The following SMYD3 variants were observed in gnomAD, a reference collection of about 807,000 sequenced individuals.
SMYD3 encodes histone-lysine N-methyltransferase SMYD3.
In SMYD3, 36 loss-of-function variants were observed where a neutral mutation model predicts 57.7. The ratio of observed to expected loss-of-function variants is 0.62; its 90% CI spans 0.48 to 0.82. The LOEUF is 0.82. Ranked by LOEUF, SMYD3 falls within the 40% of genes least tolerant of loss-of-function variation. The pLI is 0.00. For missense variants in SMYD3, 515 were observed against 538.8 expected (o/e 0.96, Z 0.44); for synonymous variants, 211 against 195.0 (o/e 1.08, Z -0.68).
chr1:245,817,002 G>A (rs2048854091), intron 10 of SMYD3, among the ~76,000 whole-genome samples: 2 of 151,736 alleles, frequency 1.3e-5, no homozygotes, highest in Admixed American at 6.6e-5. Flanking sequence ...GCTTGCTTAG[G>A]TAAACAAAGC....
At chr1:246,167,635 C>T (rs1297807473) in intron 5 of SMYD3, among the ~76,000 whole-genome samples, 9 of 151,798 alleles carry the variant, frequency 5.9e-5, no homozygotes, top group African/African-American at 1.2e-4. Flanking sequence ...CTCGACCTCC[C>T]GAGTAGCTGG....
At chr1:246,309,348 C>G (rs2065036796) in intron 5 of SMYD3, among the ~76,000 whole-genome samples, 1 of 152,092 alleles carries the variant, frequency 6.6e-6, no homozygotes, top group Non-Finnish European at 1.5e-5. Flanking sequence ...CTTGGATTAT[C>G]ATACTCCTCC....
In SMYD3 at chr1:245,789,825, A is replaced by G. The variant is rs532682073; in HGVS notation, c.1077-25676T>C. On this transcript the variant is annotated intron_variant, in intron 10 of 11. Transcript: ENST00000490107. ...TTCTAGCTGGCAATTATAGCTCCTT[A>G]CATACTATTGATTAAAGAAAAATTC... is the stretch of plus-strand genomic sequence containing the variant. 2.6e-5 allele frequency among the ~76,000 whole-genome samples: 4 copies of G among 152,348 alleles called. No individual in the cohort carries two copies. The South Asian group carries it at 8.3e-4, about 32-fold the overall frequency.
At chr1:246,091,213 T>C (rs2060817905) in intron 5 of SMYD3, among the ~76,000 whole-genome samples, 1 of 152,172 alleles carries the variant, frequency 6.6e-6, no homozygotes, top group Non-Finnish European at 1.5e-5. Flanking sequence ...ACAAGCTTCC[T>C]TTCATGAAGG....
At chr1:245,805,025 C>A (rs2791402) in intron 10 of SMYD3, among the ~76,000 whole-genome samples, 94,723 of 152,022 alleles carry the variant, frequency 0.62, 29,943 homozygotes, top group African/African-American at 0.73. Context: ...CATATCAAAA[C>A]TTCAAAAAAG....
intron 1 of SMYD3, among the ~76,000 whole-genome samples, chr1:246,358,671 C>A (rs2065943253): frequency 6.6e-6 from 1 of 152,116 alleles, no homozygotes. Context: ...ACCCTCAAAA[C>A]CATGCAAATA....
At chr1:245,997,692 C>T (rs1327154123) in intron 5 of SMYD3, among the ~76,000 whole-genome samples, 2 of 152,154 alleles carry the variant, frequency 1.3e-5, no homozygotes, top group Non-Finnish European at 2.9e-5. Flanking sequence ...CATCGTGATT[C>T]CCAACCCTTC....
intron 5 of SMYD3, among the ~76,000 whole-genome samples, chr1:246,284,874 A>C (rs1454918247): frequency 6.6e-6 from 1 of 152,100 alleles, no homozygotes; most frequent in Non-Finnish European, 1.5e-5. Flanking sequence ...GTTGCTTTTA[A>C]ATTATTTGCT....
chr1:245,957,929 C>A (rs1365676741), intron 5 of SMYD3, among the ~76,000 whole-genome samples: 2 of 151,944 alleles, frequency 1.3e-5, no homozygotes, highest in African/African-American at 4.8e-5. Flanking sequence ...TAAAAAATGA[C>A]AGAATTCTTG....
chr1:246,429,632 G>C (rs941723726), intron 1 of SMYD3, among the ~76,000 whole-genome samples: 1 of 152,192 alleles, frequency 6.6e-6, no homozygotes, highest in Non-Finnish European at 1.5e-5. Context: ...AACTTAAGAT[G>C]AAAGATATTA....
intron 5 of SMYD3, among the ~76,000 whole-genome samples, chr1:246,324,614 C>G (rs528903523): frequency 6.6e-6 from 1 of 151,956 alleles, no homozygotes; most frequent in Non-Finnish European, 1.5e-5. Context: ...TATGTACAAA[C>G]TGTCAGTCAG....
intron 5 of SMYD3, among the ~76,000 whole-genome samples, chr1:246,086,482 G>A (rs1342208203): frequency 1.3e-5 from 2 of 151,736 alleles, no homozygotes; most frequent in Non-Finnish European, 1.5e-5. Flanking sequence ...CTATCTACTA[G>A]AGGCTACGGA....
chr1:245,948,993 C>T (rs1011385371), intron 5 of SMYD3, among the ~76,000 whole-genome samples: 1 of 152,234 alleles, frequency 6.6e-6, no homozygotes, highest in Admixed American at 6.5e-5. Flanking sequence ...GCCTGCCCGA[C>T]CTGCCGCTAC....
intron 1 of SMYD3, among the ~76,000 whole-genome samples, chr1:246,409,882 G>T (rs1227797345): frequency 1.3e-5 from 2 of 152,068 alleles, no homozygotes; most frequent in Non-Finnish European, 2.9e-5. Context: ...TCCTTGAAGA[G>T]GTCCTTCACG....
At chr1:246,482,445 AC>A (rs898219005) in intron 1 of SMYD3, among the ~76,000 whole-genome samples, 2 of 148,550 alleles carry the variant, frequency 1.3e-5, no homozygotes, top group African/African-American at 5.3e-5. Context: ...AAGTGGTATT[AC>A]CCCAGATTTT....
At chr1:246,286,181 G>A (rs190192233) in intron 5 of SMYD3, among the ~76,000 whole-genome samples, 85 of 152,140 alleles carry the variant, frequency 5.6e-4, no homozygotes, top group Non-Finnish European at 1.1e-3. Flanking sequence ...GACACTTGAG[G>A]TTTCTGATTC....
chr1:246,109,422 A>G (rs189621648), intron 5 of SMYD3, among the ~76,000 whole-genome samples: 18 of 152,350 alleles, frequency 1.2e-4, no homozygotes, highest in Admixed American at 3.3e-4. Flanking sequence ...AAGCTAGCTC[A>G]AGGGAAAACA....
intron 10 of SMYD3, among the ~76,000 whole-genome samples, chr1:245,853,307 G>C (rs145903907): frequency 6.6e-6 from 1 of 152,186 alleles, no homozygotes; most frequent in African/African-American, 2.4e-5. Flanking sequence ...AATGAGCTTC[G>C]TTGTCAGAGA....
At chr1:246,495,092 G>A (rs1045438253) in intron 1 of SMYD3, among the ~76,000 whole-genome samples, 1 of 152,176 alleles carries the variant, frequency 6.6e-6, no homozygotes, top group African/African-American at 2.4e-5. Flanking sequence ...GCTCACGCCT[G>A]TAATCCCAGC....
Sources: allele counts gnomAD v4.1 joint callset (sites outside exome capture counted in the v4.1 genomes callset), GRCh38; gene constraint gnomAD v4.1.1; transcripts MANE v1.5; gene names NCBI Gene and HGNC (gene_info 2026-07-23, HGNC 2026-07-21).